PIK3AP1: variants seen among roughly 807,000 people sequenced by gnomAD.
The protein encoded by PIK3AP1 is phosphoinositide 3-kinase adapter protein 1.
In PIK3AP1, 21 loss-of-function variants were observed where a neutral mutation model predicts 88.1. That is an observed-to-expected ratio of 0.24 (90% CI 0.17 to 0.34). The LOEUF is 0.34. Among genes scored for constraint, PIK3AP1 ranks in the 10% least tolerant of loss-of-function variants. The pLI, the probability that PIK3AP1 is intolerant of heterozygous loss-of-function variation, is 1.00. For synonymous variants in PIK3AP1, 398 were observed against 400.0 expected (o/e 1.00, Z 0.06); for missense variants, 828 against 1,035.7 (o/e 0.80, Z 2.75).
chr10:96,606,832 T>C (rs1202056209), intron 14 of PIK3AP1, among the ~76,000 whole-genome samples: 3 of 152,226 alleles, frequency 2.0e-5, no homozygotes, highest in Non-Finnish European at 4.4e-5. Flanking sequence ...AGAGCTATCC[T>C]CAGTATTTGG....
chr10:96,686,311 C>T (rs1231332189), intron 2 of PIK3AP1, among the ~76,000 whole-genome samples: 1 of 152,152 alleles, frequency 6.6e-6, no homozygotes, highest in African/African-American at 2.4e-5. Context: ...CTCTGAGAGC[C>T]CACACTGTGC....
intron 2 of PIK3AP1, among the ~76,000 whole-genome samples, chr10:96,708,547 C>T (rs1478453731): frequency 2.2e-5 from 3 of 138,758 alleles, no homozygotes; most frequent in Non-Finnish European, 3.0e-5. Flanking sequence ...TGCACTCCAA[C>T]CTGGACGTCA....
At chr10:96,681,610 T>G (rs1024716745) in intron 2 of PIK3AP1, among the ~76,000 whole-genome samples, 1 of 152,042 alleles carries the variant, frequency 6.6e-6, no homozygotes, top group Non-Finnish European at 1.5e-5. Context: ...GGGGCTCTAG[T>G]AGGATGTTTC....
In PIK3AP1 at chr10:96,694,754, G is replaced by T. The variant is rs141973723; in HGVS notation, c.430+14813C>A. The stretch of plus-strand genomic sequence containing the variant: ...AGGTCTTGCTATATTGCCCAGGCTG[G>T]TCTCAAACTCCTGGGCTCAAGCAAT... On this transcript the variant is annotated intron_variant, in intron 2 of 16. Transcript: ENST00000339364. Among the ~76,000 whole-genome samples, 680 of 151,936 alleles carry T rather than the reference G, an allele frequency of 4.5e-3. 3 individuals are homozygous for T. Among genetic ancestry groups the T allele is most frequent in the African/African-American group, 0.016 (654 of 41,402 alleles).
intron 13 of PIK3AP1, 104 bp from the exon 14 acceptor site, chr10:96,609,971 TGGGAAG>T (rs1015809983): frequency 7.1e-6 from 10 of 1,405,298 alleles, no homozygotes; most frequent in East Asian, 2.3e-5. Flanking sequence ...GGAGCCTGCA[TGGGAAG>T]GGGAAGGGGA....
chr10:96,605,340 C>A (rs1166472590), intron 14 of PIK3AP1, among the ~76,000 whole-genome samples: 1 of 152,020 alleles, frequency 6.6e-6, no homozygotes, highest in Non-Finnish European at 1.5e-5. Context: ...CTAGTGCAAC[C>A]AAGGAAATGA....
chr10:96,682,157 C>T (rs1281721214), intron 2 of PIK3AP1, among the ~76,000 whole-genome samples: 2 of 152,160 alleles, frequency 1.3e-5, no homozygotes, highest in African/African-American at 4.8e-5. Flanking sequence ...TACTCCTGAT[C>T]CTTAAGTGTC....
At chr10:96,609,939 C>G in intron 13 of PIK3AP1, 72 bp from the exon 14 acceptor site, 5 of 1,506,920 alleles carry the variant, frequency 3.3e-6, no homozygotes, top group Non-Finnish European at 4.6e-6. Flanking sequence ...TCAGCAGCTT[C>G]CCTCCACCTG....
intron 15 of PIK3AP1, among the ~76,000 whole-genome samples, chr10:96,603,386 G>C (rs752812862): frequency 3.3e-5 from 5 of 152,192 alleles, no homozygotes; most frequent in Non-Finnish European, 7.3e-5. Flanking sequence ...TGCCAAAGGA[G>C]ATTAACATTT....
rs183432850 is a variant in PIK3AP1, at chr10:96,702,423, G to A, written c.430+7144C>T. 1.0e-3 allele frequency among the ~76,000 whole-genome samples: 158 copies of A among 151,262 alleles called. 1 individual carries two copies. The highest frequency in any genetic ancestry group is 1.8e-3 in the Non-Finnish European group (125 of 67,816). ...CTGAGGCAGGAGAATCGCTTGAACC[G>A]TGGAGGCAGAGGTTGCAGTGAGCCG... On this transcript the variant is annotated intron_variant, in intron 2 of 16. Transcript: ENST00000339364.
intron 12 of PIK3AP1, among the ~76,000 whole-genome samples, chr10:96,620,108 T>C (rs1289384259): frequency 1.3e-5 from 2 of 152,120 alleles, no homozygotes; most frequent in African/African-American, 4.8e-5. Flanking sequence ...AGTTGAGTCT[T>C]TGTTCCTGAT....
At chr10:96,641,122 T>TGC (rs1331138013) in intron 8 of PIK3AP1, among the ~76,000 whole-genome samples, 6 of 122,256 alleles carry the variant, frequency 4.9e-5, no homozygotes, top group African/African-American at 1.6e-4. Flanking sequence ...TGTGTGTGTG[T>TGC]GTGCGTGTGC....
At chr10:96,673,497 G>GA (rs1554960599) in intron 2 of PIK3AP1, among the ~76,000 whole-genome samples, 1 of 151,698 alleles carries the variant, frequency 6.6e-6, no homozygotes, top group African/African-American at 2.4e-5. Flanking sequence ...AGCTACCACA[G>GA]CCCCCCCCGA....
intron 8 of PIK3AP1, among the ~76,000 whole-genome samples, chr10:96,628,908 G>GTA (rs1843197483): frequency 1.2e-5 from 1 of 82,640 alleles, no homozygotes; most frequent in African/African-American, 5.4e-5. Context: ...ATATATATAT[G>GTA]TGTATATATA....
chr10:96,599,044 G>A (rs1848835133), intron 16 of PIK3AP1, among the ~76,000 whole-genome samples: 1 of 152,188 alleles, frequency 6.6e-6, no homozygotes, highest in Non-Finnish European at 1.5e-5. Flanking sequence ...TGTGGAGGAG[G>A]GAGTGACTGG....
At chr10:96,699,664 G>A (rs941943934) in intron 2 of PIK3AP1, among the ~76,000 whole-genome samples, 3 of 152,142 alleles carry the variant, frequency 2.0e-5, no homozygotes, top group African/African-American at 7.2e-5. Context: ...ACCATCAGAT[G>A]AACAGTTGGC....
intron 14 of PIK3AP1, among the ~76,000 whole-genome samples, chr10:96,607,527 C>T (rs1168269160): frequency 6.6e-6 from 1 of 152,168 alleles, no homozygotes; most frequent in Non-Finnish European, 1.5e-5. Flanking sequence ...CCAGGATCCA[C>T]ACCTTTGTAT....
chr10:96,718,460 G>A (rs1343922113), intron 1 of PIK3AP1, among the ~76,000 whole-genome samples: 2 of 152,198 alleles, frequency 1.3e-5, no homozygotes, highest in South Asian at 2.1e-4. Flanking sequence ...CAGGGAACCC[G>A]AGGGACTCCA....
chr10:96,665,163 T>C (rs1843744038), intron 2 of PIK3AP1, among the ~76,000 whole-genome samples: 2 of 152,214 alleles, frequency 1.3e-5, no homozygotes, highest in East Asian at 3.8e-4. Context: ...AATTTCACAA[T>C]ATCCTCTCAG....
Sources: gnomAD v4.1 joint callset for allele counts (sites outside exome capture counted in the v4.1 genomes callset) on GRCh38, gnomAD v4.1.1 for gene constraint, MANE v1.5 for transcripts, NCBI Gene and HGNC (gene_info 2026-07-23, HGNC 2026-07-21) for gene names.